Variants in TXLNB observed in about 807,000 individuals in gnomAD.
TXLNB encodes taxilin beta.
Under a neutral mutation model 57.4 loss-of-function variants are expected in TXLNB, and 37 were observed. The observed-to-expected ratio is 0.64, with a 90% confidence interval of 0.50 to 0.85. The LOEUF is 0.85. Ranked by LOEUF, TXLNB falls within the 40% of genes least tolerant of loss-of-function variation. The pLI, the probability that TXLNB is intolerant of heterozygous loss-of-function variation, is 0.00. For missense variants in TXLNB, 848 were observed against 825.6 expected (o/e 1.03, Z -0.33); for synonymous variants, 302 against 309.6 (o/e 0.98, Z 0.26).
chr6:139,295,131 C>A (rs1253534157), upstream of TXLNB, among the ~76,000 whole-genome samples: 1 of 151,814 alleles, frequency 6.6e-6, no homozygotes, highest in African/African-American at 2.4e-5. Flanking sequence ...TGAATAGATA[C>A]ACACATGATA....
the TXLNB span, among the ~76,000 whole-genome samples, chr6:139,297,484 A>C: frequency 1.8e-4 from 27 of 152,312 alleles, no homozygotes; most frequent in African/African-American, 6.3e-4. Context: ...TCAAGTATAG[A>C]AGTTTATAAA....
At chr6:139,193,840 A>ATATTTTT in the TXLNB span, among the ~76,000 whole-genome samples, 6 of 85,232 alleles carry the variant, frequency 7.0e-5, no homozygotes, top group East Asian at 7.5e-4. Flanking sequence ...ATATATATAT[A>ATATTTTT]TTTTTTTTTT....
chr6:139,255,749 A>G, intron 6 of TXLNB, 111 bp from the exon 7 acceptor site: 1 of 752,570 alleles, frequency 1.3e-6, no homozygotes, highest in Non-Finnish European at 2.2e-6. Flanking sequence ...CTCCTTAAGT[A>G]ATTTTTTGGA....
At chr6:139,165,292 C>A in the TXLNB span, among the ~76,000 whole-genome samples, 1 of 152,154 alleles carries the variant, frequency 6.6e-6, no homozygotes, top group Non-Finnish European at 1.5e-5. Flanking sequence ...TTTAAGTTCA[C>A]AGAAAAACTG....
the TXLNB span, among the ~76,000 whole-genome samples, chr6:139,302,867 A>G: frequency 6.6e-6 from 1 of 152,158 alleles, no homozygotes; most frequent in Non-Finnish European, 1.5e-5. Context: ...CTGGAAAATT[A>G]ATGTGATTTT....
the TXLNB span, among the ~76,000 whole-genome samples, chr6:139,231,881 T>C: frequency 3.9e-5 from 6 of 152,228 alleles, no homozygotes; most frequent in Non-Finnish European, 8.8e-5. Flanking sequence ...TAAACTTGGA[T>C]ACTTTTATTC....
chr6:139,247,408 G>A (rs1044622016), intron 8 of TXLNB, among the ~76,000 whole-genome samples: 30 of 151,362 alleles, frequency 2.0e-4, no homozygotes, highest in African/African-American at 6.5e-4. Context: ...CCAAAGTGCT[G>A]GGATTACAGG....
intron 3 of TXLNB, among the ~76,000 whole-genome samples, chr6:139,272,359 G>A (rs1562283415): frequency 1.3e-5 from 2 of 152,058 alleles, no homozygotes; most frequent in African/African-American, 4.8e-5. Flanking sequence ...TTCTGAGCAA[G>A]ATGAACACCT....
intron 4 of TXLNB, among the ~76,000 whole-genome samples, chr6:139,265,594 G>A (rs1040379568): frequency 4.6e-5 from 7 of 152,138 alleles, no homozygotes; most frequent in African/African-American, 1.7e-4. Flanking sequence ...TTAGATTTAG[G>A]TACACTTAAG....
At chr6:139,230,523 T>G in the TXLNB span, among the ~76,000 whole-genome samples, 2 of 152,224 alleles carry the variant, frequency 1.3e-5, no homozygotes, top group South Asian at 4.1e-4. Context: ...GAAGAGCTCC[T>G]CTCCGCTTAG....
chr6:139,166,168 C>T, the TXLNB span: 145 of 811,094 alleles, frequency 1.8e-4, 2 homozygotes, highest in East Asian at 3.6e-3. Context: ...AACCCTGGAA[C>T]TGCCTTTCAT....
rs1777146451 is a variant in TXLNB at position 139,285,297 on chromosome 6, CACACACA to C, written c.424+3172_424+3178del. 3.6e-5 allele frequency among the ~76,000 whole-genome samples: 5 copies of C among 138,460 alleles called. 1 individual carries two copies. Among genetic ancestry groups the C allele is most frequent in the South Asian group, 4.9e-4 (2 of 4,094 alleles). 90.8% of individuals were successfully genotyped at this position (138,460 alleles called of 152,430 possible). ...ACACACACACACACACACACACACA[CACACACA>C]CCCCAATTCTTATGTAAAAGTTTTA... On this transcript the variant is annotated intron_variant, in intron 2 of 9. Coordinates refer to ENST00000358430, the MANE Select transcript of TXLNB (RefSeq NM_153235.4).
At chr6:139,321,243 A>G in the TXLNB span, among the ~76,000 whole-genome samples, 1 of 152,254 alleles carries the variant, frequency 6.6e-6, no homozygotes, top group African/African-American at 2.4e-5. Context: ...TGGCATTAGG[A>G]GATGGGGCCT....
At chr6:139,296,040 C>A (rs533503429), upstream of TXLNB, among the ~76,000 whole-genome samples, 10 of 152,258 alleles carry the variant, frequency 6.6e-5, no homozygotes, top group Admixed American at 5.2e-4. Context: ...CTTGACCCCC[C>A]CCTCCTCCAG....
the TXLNB span, chr6:139,199,773 C>T: frequency 6.6e-6 from 1 of 152,226 alleles, no homozygotes; most frequent in Admixed American, 6.6e-5. Flanking sequence ...TTGAGAGAAG[C>T]CTGGTATGAC....
rs972993878 is a variant in TXLNB at position 139,241,827 on chromosome 6, G to C, written c.*699C>G. ...CATAATGATAGCCTAAATACTTATAGTCCGAACTCTCTTCGGATTTATAGA... is the reference window on the plus strand; with the variant it reads ...CATAATGATAGCCTAAATACTTATACTCCGAACTCTCTTCGGATTTATAGA... On this transcript the variant is annotated 3_prime_UTR_variant, in exon 10 of 10. Transcript: ENST00000358430. The C allele has an allele frequency of 1.7e-4, 26 of 152,250 alleles. No homozygotes were observed. Among genetic ancestry groups the C allele is most frequent in the African/African-American group, 6.0e-4 (25 of 41,538 alleles). 9.4% of individuals were successfully genotyped at this position (152,250 alleles called of 1,614,324 possible). A position where few individuals can be genotyped will look rare whatever the true frequency, so the allele number is the denominator to read the frequency against.
intron 8 of TXLNB, among the ~76,000 whole-genome samples, chr6:139,247,265 C>T (rs1297820713): frequency 6.6e-6 from 1 of 152,072 alleles, no homozygotes; most frequent in African/African-American, 2.4e-5. Context: ...CCTCACCCTC[C>T]TGAGTAGCTG....
chr6:139,219,165 T>C, the TXLNB span, among the ~76,000 whole-genome samples: 5 of 152,372 alleles, frequency 3.3e-5, no homozygotes, highest in South Asian at 2.1e-4. Flanking sequence ...AACTGCAATT[T>C]GGTTTCATTT....
At chr6:139,315,788 G>A in the TXLNB span, among the ~76,000 whole-genome samples, 1 of 152,144 alleles carries the variant, frequency 6.6e-6, no homozygotes, top group African/African-American at 2.4e-5. Context: ...TGAATAAAAT[G>A]TATGTGGGCC....
Sources: allele counts gnomAD v4.1 joint callset (sites outside exome capture counted in the v4.1 genomes callset), GRCh38; gene constraint gnomAD v4.1.1; transcripts MANE v1.5; gene names NCBI Gene and HGNC (gene_info 2026-07-23, HGNC 2026-07-21).